The following CEP112 variants were observed in gnomAD, a reference collection of about 807,000 sequenced individuals.
CEP112 encodes centrosomal protein of 112 kDa.
Under a neutral mutation model 153.0 loss-of-function variants are expected in CEP112, and 127 were observed. The observed-to-expected ratio is 0.83, with a 90% confidence interval of 0.72 to 0.96. The LOEUF is 0.96. Ranked by LOEUF, CEP112 falls within the 40% of genes least tolerant of loss-of-function variation. CEP112 has a pLI of 0.00. For missense variants in CEP112, 1,089 were observed against 1,101.2 expected, an observed-to-expected ratio of 0.99 and a Z score of 0.16; for synonymous variants, 358 against 374.4, an observed-to-expected ratio of 0.96 and a Z score of 0.51.
intron 4 of CEP112, among the ~76,000 whole-genome samples, chr17:66,154,133 C>T (rs1167426346): frequency 6.6e-6 from 1 of 151,662 alleles, no homozygotes; most frequent in Non-Finnish European, 1.5e-5. Flanking sequence ...GAGCCAAGAT[C>T]ACGCCACTGC....
intron 19 of CEP112, among the ~76,000 whole-genome samples, chr17:65,925,859 T>C (rs775717206): frequency 1.8e-4 from 27 of 152,206 alleles, no homozygotes; most frequent in Non-Finnish European, 3.1e-4. Flanking sequence ...CAAGATGACA[T>C]GACATGGGTC....
At chr17:66,087,215 G>T (rs1182860721) in intron 8 of CEP112, among the ~76,000 whole-genome samples, 1 of 152,176 alleles carries the variant, frequency 6.6e-6, no homozygotes, top group Non-Finnish European at 1.5e-5. Flanking sequence ...CTGATGCAAT[G>T]CATGATAGCT....
At chr17:65,951,749 C>CCCCCACCG (rs71160510) in intron 18 of CEP112, among the ~76,000 whole-genome samples, 2 of 106,240 alleles carry the variant, frequency 1.9e-5, no homozygotes, top group Admixed American at 1.1e-4. Flanking sequence ...CCCCGCCCCC[C>CCCCCACCG]CCTTTCTTCC....
chr17:66,009,620 A>G (rs1196521896), intron 16 of CEP112, among the ~76,000 whole-genome samples: 1 of 152,190 alleles, frequency 6.6e-6, no homozygotes, highest in East Asian at 1.9e-4. Flanking sequence ...TCTTTAATCC[A>G]TATTGACTTT....
chr17:65,695,895 T>G (rs2048329928), intron 23 of CEP112, among the ~76,000 whole-genome samples: 1 of 152,234 alleles, frequency 6.6e-6, no homozygotes. Context: ...GGTCTTCAGC[T>G]TATAGCTCAG....
intron 23 of CEP112, among the ~76,000 whole-genome samples, chr17:65,694,915 G>A (rs773911503): frequency 6.6e-6 from 1 of 152,124 alleles, no homozygotes; most frequent in Non-Finnish European, 1.5e-5. Flanking sequence ...TCCAACACTG[G>A]GTCAAAAATA....
At chr17:65,916,304 G>T (rs934733791) in intron 19 of CEP112, among the ~76,000 whole-genome samples, 3 of 106,066 alleles carry the variant, frequency 2.8e-5, no homozygotes, top group Non-Finnish European at 6.2e-5. Context: ...TGTGTGGTAG[G>T]AGTAGTGGTG....
intron 19 of CEP112, among the ~76,000 whole-genome samples, chr17:65,914,837 A>G (rs1269430768): frequency 6.6e-6 from 1 of 152,152 alleles, no homozygotes; most frequent in Non-Finnish European, 1.5e-5. Flanking sequence ...TTCTTTCAAA[A>G]TTCCTCAAAA....
intron 9 of CEP112, among the ~76,000 whole-genome samples, chr17:66,067,400 T>A (rs1197063132): frequency 6.6e-6 from 1 of 152,236 alleles, no homozygotes; most frequent in Non-Finnish European, 1.5e-5. Context: ...CAGATTAGCA[T>A]AAAAATAGCT....
At chr17:65,655,644 T>A (rs750527509) in intron 24 of CEP112, among the ~76,000 whole-genome samples, 1 of 152,168 alleles carries the variant, frequency 6.6e-6, no homozygotes, top group Non-Finnish European at 1.5e-5. Context: ...TCTTTTGTTA[T>A]ATAAACTGCT....
intron 17 of CEP112, among the ~76,000 whole-genome samples, chr17:65,984,712 T>C (rs1298716770): frequency 1.3e-5 from 2 of 152,180 alleles, no homozygotes; most frequent in Non-Finnish European, 2.9e-5. Flanking sequence ...CATATATTAA[T>C]AAGTGCCATA....
At chr17:65,928,190 T>G (rs999838800) in intron 18 of CEP112, among the ~76,000 whole-genome samples, 2 of 152,226 alleles carry the variant, frequency 1.3e-5, no homozygotes, top group African/African-American at 4.8e-5. Flanking sequence ...TCAACATCAC[T>G]GTCTTTAAGC....
intron 21 of CEP112, among the ~76,000 whole-genome samples, chr17:65,777,456 A>C (rs1018795357): frequency 3.3e-5 from 5 of 152,228 alleles, no homozygotes; most frequent in African/African-American, 1.2e-4. Flanking sequence ...GCTTCCATCT[A>C]AGCTGTCCCC....
chr17:65,697,264 G>C (rs2048404311), intron 23 of CEP112, among the ~76,000 whole-genome samples: 1 of 152,126 alleles, frequency 6.6e-6, no homozygotes, highest in Admixed American at 6.5e-5. Context: ...CTACAGTGAA[G>C]AGACACTAAT....
chr17:65,912,849 G>A (rs1412661439), intron 19 of CEP112, among the ~76,000 whole-genome samples: 2 of 152,072 alleles, frequency 1.3e-5, no homozygotes, highest in Admixed American at 1.3e-4. Flanking sequence ...TTCCTCTCAC[G>A]TTCTACTCAA....
intron 20 of CEP112, among the ~76,000 whole-genome samples, chr17:65,871,112 G>A (rs2058657997): frequency 6.6e-6 from 1 of 152,136 alleles, no homozygotes; most frequent in African/African-American, 2.4e-5. Flanking sequence ...GTATTCTAAA[G>A]TTTTGGTTGC....
At chr17:66,129,156 T>C (rs2070005894) in intron 6 of CEP112, among the ~76,000 whole-genome samples, 1 of 152,152 alleles carries the variant, frequency 6.6e-6, no homozygotes, top group Non-Finnish European at 1.5e-5. Flanking sequence ...AATTTAGCAT[T>C]CAAAGCTCCA....
At chr17:65,687,488 C>G (rs941979289) in intron 24 of CEP112, among the ~76,000 whole-genome samples, 2 of 151,940 alleles carry the variant, frequency 1.3e-5, no homozygotes, top group African/African-American at 2.4e-5. Flanking sequence ...ATTTTTTATT[C>G]TAGTATTATT....
At chr17:66,006,864 G>A (rs1420684187) in intron 16 of CEP112, among the ~76,000 whole-genome samples, 1 of 152,204 alleles carries the variant, frequency 6.6e-6, no homozygotes, top group Non-Finnish European at 1.5e-5. Flanking sequence ...GCAAGGTAAG[G>A]CTGAAAGTGA....
Sources: allele counts gnomAD v4.1 joint callset (sites outside exome capture counted in the v4.1 genomes callset), GRCh38; gene constraint gnomAD v4.1.1; transcripts MANE v1.5; gene names NCBI Gene and HGNC (gene_info 2026-07-23, HGNC 2026-07-21).